NQO2: variants seen among roughly 807,000 people sequenced by gnomAD.
NQO2 encodes the protein N-ribosyldihydronicotinamide:quinone dehydrogenase 2, also known as ribosyldihydronicotinamide dehydrogenase [quinone].
In NQO2, 18 loss-of-function variants were observed where a neutral mutation model predicts 22.0. The ratio of observed to expected loss-of-function variants is 0.82; its 90% CI spans 0.56 to 1.21. The LOEUF is 1.21. Ranked by LOEUF, NQO2 falls within the 50% of genes most tolerant of loss-of-function variation. NQO2 has a pLI of 0.00. For missense variants in NQO2, 267 were observed against 286.9 expected (o/e 0.93, Z 0.50); for synonymous variants, 106 against 110.8 (o/e 0.96, Z 0.28).
At chr6:3,016,735 A>G (rs1049906797) in intron 5 of NQO2, 149 bp from the exon 6 acceptor site, 5 of 1,459,800 alleles carry the variant, frequency 3.4e-6, no homozygotes, top group African/African-American at 1.4e-5. Flanking sequence ...ATTGTCACCT[A>G]TGGATGGGAG....
intron 4 of NQO2, among the ~76,000 whole-genome samples, chr6:3,014,118 ATGTGACCAC>A (rs1169102124): frequency 6.6e-6 from 1 of 152,218 alleles, no homozygotes; most frequent in Non-Finnish European, 1.5e-5. Context: ...GGTGAGCGGC[ATGTGACCAC>A]TTTCCAGACA....
intron 6 of NQO2, among the ~76,000 whole-genome samples, chr6:3,018,915 T>G (rs962658564): frequency 2.6e-5 from 4 of 151,758 alleles, no homozygotes; most frequent in African/African-American, 9.7e-5. Flanking sequence ...AGAAAATCCC[T>G]TTAATCCCTC....
intron 1 of NQO2, chr6:3,005,503 G>A (rs1186970386): frequency 3.9e-6 from 1 of 255,086 alleles, no homozygotes; most frequent in Non-Finnish European, 6.2e-6. Flanking sequence ...GTGATGCTAA[G>A]CATCTTTTCA....
At chr6:3,015,334 A>G in intron 4 of NQO2, 196 bp from the exon 5 acceptor site, 1 of 985,430 alleles carries the variant, frequency 1.0e-6, no homozygotes, top group Non-Finnish European at 1.2e-6. Context: ...AACAGCAACA[A>G]GGACCATTGT....
chr6:3,011,857 AGAGT>A (rs1430723541), intron 3 of NQO2, among the ~76,000 whole-genome samples: 1 of 152,228 alleles, frequency 6.6e-6, no homozygotes, highest in Admixed American at 6.5e-5. Context: ...TGAAAGAGAG[AGAGT>A]CTTTCCCAAA....
In NQO2 at chr6:3,019,647, G is replaced by A. The variant is rs201753355; in HGVS notation, c.688G>A (p.Gly230Arg). ...CCCCTGCACAGCCCACTGGCACTTC[G>A]GGCAATAACTCTGTGGCACGTGGGC... ...PIPCTAHWHF[G>R]Q The change falls in exon 7 of 7, where the codon GGG (glycine) becomes AGG (arginine). Residue 230 changes from glycine (G) to arginine (R), a missense_variant. Coordinates refer to ENST00000380455, the MANE Select transcript of NQO2 (RefSeq NM_000904.6). 2.2e-5 allele frequency: 36 copies of A among 1,606,008 alleles called. No individual in the cohort carries two copies. Among genetic ancestry groups the A allele is most frequent in the East Asian group, 4.5e-5 (2 of 44,728 alleles).
chr6:3,001,338 G>A lies in NQO2; in HGVS notation c.-86+1253G>A, dbSNP rs541954447. On this transcript the variant is annotated intron_variant, in intron 1 of 6. Coordinates refer to ENST00000380455, the MANE Select transcript of NQO2 (RefSeq NM_000904.6). ...ACTCCTGACCTCAGGTGATCCGCCT[G>A]CCTCGGCCTCCCAGAGTGCTGGGAT... is the stretch of plus-strand genomic sequence containing the variant. Among the ~76,000 whole-genome samples the A allele has an allele frequency of 5.3e-5, 8 of 152,212 alleles. No homozygotes were observed. In the East Asian group the frequency reaches 1.5e-3, roughly 29 times the overall value.
chr6:3,005,784 ACTGTCT>A, intron 1 of NQO2: 5 of 985,340 alleles, frequency 5.1e-6, no homozygotes, highest in Non-Finnish European at 4.8e-6. Context: ...GCACATAGCA[ACTGTCT>A]CTCTCTCACT....
At position 3,019,647 on chromosome 6, in the gene NQO2, G is replaced by C. The variant is rs201753355; in HGVS notation, c.688G>C (p.Gly230Arg). ...CCCCTGCACAGCCCACTGGCACTTC[G>C]GGCAATAACTCTGTGGCACGTGGGC... ...PIPCTAHWHF[G>R]Q Residue 230 changes from glycine (G) to arginine (R), a missense_variant, in exon 7 of 7, where the codon GGG becomes CGG. By Grantham distance (125) the Gly-to-Arg change is moderately radical. Transcript: ENST00000380455. 1.9e-5 allele frequency: 30 copies of C among 1,605,890 alleles called. No individual in the cohort carries two copies. In the East Asian group the frequency reaches 6.7e-4, roughly 36 times the overall value.
chr6:3,015,760 C>T (rs1757306764), intron 5 of NQO2, 117 bp downstream of exon 5: 1 of 952,606 alleles, frequency 1.0e-6, no homozygotes, highest in Non-Finnish European at 1.6e-6. Flanking sequence ...ATCGATTGAG[C>T]ACCCACTATG....
At chr6:3,010,253 G>A in intron 3 of NQO2, 64 bp downstream of exon 3, 2 of 1,382,314 alleles carry the variant, frequency 1.4e-6, no homozygotes, top group East Asian at 2.5e-5. Flanking sequence ...TTTAAAAAAT[G>A]TTGACTTCCA....
intron 3 of NQO2, 98 bp downstream of exon 3, chr6:3,010,287 C>G: frequency 9.2e-7 from 1 of 1,082,218 alleles, no homozygotes; most frequent in Non-Finnish European, 1.3e-6. Context: ...ATTATAGAAG[C>G]AAGCTAGCTT....
At chr6:3,015,874 G>A (rs1259153649) in intron 5 of NQO2, among the ~76,000 whole-genome samples, 6 of 152,184 alleles carry the variant, frequency 3.9e-5, no homozygotes, top group Non-Finnish European at 7.3e-5. Context: ...CATACTACAC[G>A]CATGGCAAAC....
Position 3,019,726 on chromosome 6 carries a change from C to T in NQO2, c.*71C>T, listed in dbSNP as rs115952408. The T allele has an allele frequency of 2.5e-4, 327 of 1,324,124 alleles. 1 individual carries two copies. In the African/African-American group the frequency reaches 4.3e-3, roughly 18 times the overall value. The allele number at this position is 1,324,124 out of a possible 1,614,324, so 82.0% of individuals were successfully genotyped here. ...AGGCGCAGGCAAAGAGAAGATGGTG[C>T]TGTCATGAAATAAAATTACAACATA... On this transcript the variant is annotated 3_prime_UTR_variant, in exon 7 of 7. Transcript: ENST00000380455.
chr6:3,006,314 G>T lies in NQO2; in HGVS notation c.-85-154G>T, dbSNP rs1756947728. ...CATCCTGCGTGGCTTGTCCTCTGAG[G>T]CCTAAATCTCCAGAAGATTCCTGGC... On this transcript the variant is annotated intron_variant, in intron 1 of 6. Coordinates refer to ENST00000380455, the MANE Select transcript of NQO2 (RefSeq NM_000904.6). This position sits in a 1 kb window ranked among gnomAD's most constrained non-coding sequence, Gnocchi z 4.0. 1.0e-6 allele frequency: 1 copy of T among 985,270 alleles called. No individual in the cohort carries two copies. The highest frequency in any genetic ancestry group is 1.2e-6 in the Non-Finnish European group (1 of 829,802). The allele number at this position is 985,270 out of a possible 1,614,324, so 61.0% of individuals were successfully genotyped here. A position where few individuals can be genotyped will look rare whatever the true frequency, so the allele number is the denominator to read the frequency against.
At chr6:3,014,656 G>A (rs1355177351) in intron 4 of NQO2, among the ~76,000 whole-genome samples, 1 of 152,096 alleles carries the variant, frequency 6.6e-6, no homozygotes, top group Non-Finnish European at 1.5e-5. Flanking sequence ...CAGAGGGTCT[G>A]CATTATAAGT....
At chr6:3,016,137 A>G (rs1276997756) in intron 5 of NQO2, among the ~76,000 whole-genome samples, 1 of 152,178 alleles carries the variant, frequency 6.6e-6, no homozygotes, top group Non-Finnish European at 1.5e-5. Flanking sequence ...TTACTAAAAC[A>G]ATGATTTTTA....
intron 3 of NQO2, among the ~76,000 whole-genome samples, chr6:3,010,649 AG>A (rs148274221): frequency 0.037 from 5,667 of 152,282 alleles, 118 homozygotes; most frequent in African/African-American, 0.055. Flanking sequence ...CCCTGACAAC[AG>A]CCAGAGACAA....
intron 1 of NQO2, among the ~76,000 whole-genome samples, chr6:3,001,002 C>G (rs1581314596): frequency 6.6e-6 from 1 of 151,958 alleles, no homozygotes; most frequent in East Asian, 1.9e-4. Context: ...GCCACCATGC[C>G]CGGCTAATTT....
Sources: gnomAD v4.1 joint callset for allele counts (sites outside exome capture counted in the v4.1 genomes callset) on GRCh38, gnomAD v4.1.1 for gene constraint, Gnocchi (gnomAD v3.1) non-coding constraint, MANE v1.5 for transcripts, NCBI Gene and HGNC (gene_info 2026-07-23, HGNC 2026-07-21) for gene names.